The following THSD7A variants were observed in gnomAD, a reference collection of about 807,000 sequenced individuals.
THSD7A encodes the protein thrombospondin type-1 domain-containing protein 7A.
Under a neutral mutation model 231.3 loss-of-function variants are expected in THSD7A, and 96 were observed. The observed-to-expected ratio is 0.41, with a 90% CI of 0.35 to 0.49. THSD7A has a LOEUF of 0.49. Among genes scored for constraint, THSD7A ranks in the 20% least tolerant of loss-of-function variants. THSD7A has a pLI of 0.05. For synonymous variants in THSD7A, 940 were observed against 743.3 expected (o/e 1.26, Z -4.30); for missense variants, 2,290 against 2,070.2 (o/e 1.11, Z -2.06).
In THSD7A at chr7:11,475,169, A is replaced by G. The variant is rs12333786; in HGVS notation, c.2018-601T>C. On this transcript the variant is annotated intron_variant, in intron 7 of 27. Transcript: ENST00000423059. ...GAAAGTAGACTGGGCTTATGTTATAAAGAAGCTATTAGTGTGAAGAGTACT... is the reference window on the plus strand; with the variant it reads ...GAAAGTAGACTGGGCTTATGTTATAGAGAAGCTATTAGTGTGAAGAGTACT... Among the ~76,000 whole-genome samples, 482 of 152,290 alleles carry G rather than the reference A, an allele frequency of 3.2e-3. 2 individuals carry two copies. Among genetic ancestry groups the G allele is most frequent in the African/African-American group, 0.011 (469 of 41,556 alleles).
At chr7:11,829,932 A>G (rs1785146594) in intron 1 of THSD7A, among the ~76,000 whole-genome samples, 1 of 152,106 alleles carries the variant, frequency 6.6e-6, no homozygotes, top group Admixed American at 6.5e-5. Context: ...TTACATTTGC[A>G]TACAGCTTTG....
chr7:11,553,885 A>C (rs1310020965), intron 4 of THSD7A, among the ~76,000 whole-genome samples: 1 of 151,928 alleles, frequency 6.6e-6, no homozygotes, highest in Non-Finnish European at 1.5e-5. Context: ...TTTTTCTATC[A>C]AGATGGCCAA....
intron 1 of THSD7A, among the ~76,000 whole-genome samples, chr7:11,812,286 C>A (rs1784553659): frequency 6.6e-6 from 1 of 151,922 alleles, no homozygotes; most frequent in Non-Finnish European, 1.5e-5. Context: ...CAAGAAAATT[C>A]ACAGTAAAAA....
At chr7:11,692,209 C>T (rs140991653) in intron 1 of THSD7A, among the ~76,000 whole-genome samples, 1 of 151,626 alleles carries the variant, frequency 6.6e-6, no homozygotes, top group African/African-American at 2.4e-5. Context: ...AGCCTGAAAA[C>T]ATTCAGGTAT....
intron 2 of THSD7A, among the ~76,000 whole-genome samples, chr7:11,621,372 C>T (rs6980266): frequency 0.093 from 14,184 of 152,070 alleles, 1,878 homozygotes; most frequent in African/African-American, 0.28. Context: ...CTTTCAGTTA[C>T]TTTCTACCTT....
At chr7:11,805,891 C>A (rs1489558917) in intron 1 of THSD7A, among the ~76,000 whole-genome samples, 1 of 151,982 alleles carries the variant, frequency 6.6e-6, no homozygotes, top group Admixed American at 6.6e-5. Flanking sequence ...TTGACTGTAA[C>A]TAATGGATAA....
At chr7:11,597,195 T>G (rs903433193) in intron 2 of THSD7A, among the ~76,000 whole-genome samples, 40 of 152,186 alleles carry the variant, frequency 2.6e-4, no homozygotes, top group African/African-American at 9.4e-4. Flanking sequence ...TCTACCTCAG[T>G]AAAATTTCTA....
In THSD7A at chr7:11,446,203, T is replaced by C. The variant is rs959922700; in HGVS notation, c.2922A>G (p.Leu974=). ...QPVGNWSDCI[L]PEGKVEVLLG... ...GCAACACTTCCACTTTTCCCTCTGG[T>C]AAAATACAGTCTGACCAGTTCCCCA... is the stretch of plus-strand genomic sequence containing the variant. The change falls in exon 13 of 28, where the codon TTA becomes TTG. Residue 974 remains leucine (L), a synonymous_variant. Coordinates refer to ENST00000423059, the MANE Select transcript of THSD7A (RefSeq NM_015204.3). The surrounding 1 kb of genome is among the most constrained non-coding windows in gnomAD (Gnocchi z 4.0). The C allele has an allele frequency of 1.2e-6, 2 of 1,613,550 alleles. No homozygotes were observed. Among genetic ancestry groups the C allele is most frequent in the East Asian group, 2.2e-5 (1 of 44,850 alleles).
chr7:11,493,933 A>G (rs1786998081), intron 6 of THSD7A, among the ~76,000 whole-genome samples: 1 of 151,996 alleles, frequency 6.6e-6, no homozygotes, highest in Non-Finnish European at 1.5e-5. Context: ...ATGATTCAAT[A>G]AAATACAATT....
At chr7:11,728,198 C>G (rs1474821931) in intron 1 of THSD7A, among the ~76,000 whole-genome samples, 1 of 151,910 alleles carries the variant, frequency 6.6e-6, no homozygotes, top group African/African-American at 2.4e-5. Context: ...AAAATAAGAA[C>G]TACATTAAGC....
At chr7:11,658,113 A>T (rs890093845) in intron 1 of THSD7A, among the ~76,000 whole-genome samples, 4 of 151,760 alleles carry the variant, frequency 2.6e-5, no homozygotes, top group African/African-American at 9.7e-5. Context: ...ATTAGTGAGA[A>T]AAATGAACAC....
intron 1 of THSD7A, among the ~76,000 whole-genome samples, chr7:11,673,292 C>T (rs148537573): frequency 5.9e-4 from 90 of 152,192 alleles, no homozygotes; most frequent in African/African-American, 1.9e-3. Flanking sequence ...ACCCTATGGA[C>T]ATTTAGATTG....
chr7:11,418,124 G>C (rs1407068168), intron 16 of THSD7A, among the ~76,000 whole-genome samples: 1 of 152,148 alleles, frequency 6.6e-6, no homozygotes, highest in African/African-American at 2.4e-5. Context: ...GAGTGTTTTT[G>C]AAAACAACTA....
intron 11 of THSD7A, 57 bp from the exon 12 acceptor site, chr7:11,447,481 T>C (rs1285214350): frequency 7.3e-7 from 1 of 1,375,820 alleles, no homozygotes; most frequent in Admixed American, 3.2e-5. Flanking sequence ...TACTCTATAA[T>C]TTAGAAGCTA....
chr7:11,781,773 T>C (rs931843544), intron 1 of THSD7A, among the ~76,000 whole-genome samples: 2 of 152,186 alleles, frequency 1.3e-5, no homozygotes, highest in Non-Finnish European at 1.5e-5. Context: ...TTTTGAAAAA[T>C]AGTTGTTAAA....
chr7:11,594,203 C>A (rs10277873), intron 2 of THSD7A, among the ~76,000 whole-genome samples: 2 of 152,204 alleles, frequency 1.3e-5, no homozygotes, highest in African/African-American at 4.8e-5. Flanking sequence ...GGAACTCATA[C>A]TGGCTCTCCT....
chr7:11,494,682 C>T (rs1338342557), intron 6 of THSD7A, among the ~76,000 whole-genome samples: 1 of 151,904 alleles, frequency 6.6e-6, no homozygotes, highest in Admixed American at 6.6e-5. Flanking sequence ...TCTCCTTGCC[C>T]GAAGTTACCA....
At chr7:11,642,469 C>G (rs1160765644) in intron 1 of THSD7A, among the ~76,000 whole-genome samples, 1 of 152,086 alleles carries the variant, frequency 6.6e-6, no homozygotes, top group African/African-American at 2.4e-5. Context: ...ATGGTGTTTA[C>G]TCAGTATCAT....
chr7:11,550,600 T>C (rs180718315), intron 4 of THSD7A, among the ~76,000 whole-genome samples: 24 of 152,314 alleles, frequency 1.6e-4, no homozygotes, highest in African/African-American at 4.1e-4. Flanking sequence ...GCTTCTCCTT[T>C]GCCTTCTGCC....
Sources: gnomAD v4.1 joint callset for allele counts (sites outside exome capture counted in the v4.1 genomes callset) on GRCh38, gnomAD v4.1.1 for gene constraint, Gnocchi (gnomAD v3.1) non-coding constraint, MANE v1.5 for transcripts, NCBI Gene and HGNC (gene_info 2026-07-23, HGNC 2026-07-21) for gene names.